Variants in RAD51B observed in about 807,000 individuals in gnomAD.
RAD51B encodes the protein RAD51 paralog B, also known as DNA repair protein RAD51 homolog 2.
RAD51B carries 38 observed loss-of-function variants against 42.2 expected under a neutral mutation model. The ratio of observed to expected loss-of-function variants is 0.90; its 90% CI spans 0.70 to 1.18. The LOEUF (loss-of-function observed/expected upper bound fraction) is 1.18. RAD51B is among the 50% of genes most tolerant of loss of function. RAD51B has a pLI of 0.00. For missense variants in RAD51B, 373 were observed against 400.7 expected, an observed-to-expected ratio of 0.93 and a Z score of 0.59; for synonymous variants, 154 against 145.2, an observed-to-expected ratio of 1.06 and a Z score of -0.43.
chr14:67,847,886 GCC>G (rs111532396), intron 4 of RAD51B, among the ~76,000 whole-genome samples: 1 of 151,496 alleles, frequency 6.6e-6, no homozygotes, highest in East Asian at 1.9e-4. Context: ...GGGTGTTGAA[GCC>G]CCCCCCCATT....
At chr14:68,095,995 AAGAAAC>A (rs2077187986) in intron 7 of RAD51B, among the ~76,000 whole-genome samples, 4 of 150,028 alleles carry the variant, frequency 2.7e-5, no homozygotes, top group African/African-American at 9.9e-5. Context: ...AAAAAAAAAA[AAGAAAC>A]AGACTCAGAA....
chr14:68,048,255 G>C (rs892648864), intron 7 of RAD51B, among the ~76,000 whole-genome samples: 3 of 152,140 alleles, frequency 2.0e-5, no homozygotes, highest in Non-Finnish European at 4.4e-5. Flanking sequence ...AGAAATGTCT[G>C]TTCATATCCT....
At chr14:68,370,042 G>A (rs1272051160) in intron 8 of RAD51B, among the ~76,000 whole-genome samples, 1 of 152,188 alleles carries the variant, frequency 6.6e-6, no homozygotes, top group African/African-American at 2.4e-5. Flanking sequence ...GGAGGATAAT[G>A]ACTGAACCTA....
chr14:68,673,657 T>TACACATACTGTGCACAC (rs1373316823), intron 11 of RAD51B, among the ~76,000 whole-genome samples: 1 of 149,370 alleles, frequency 6.7e-6, no homozygotes, highest in Non-Finnish European at 1.5e-5. Context: ...TGCACACACA[T>TACACATACTGTGCACAC]ACACATACTG....
chr14:68,275,794 C>CACACA (rs2081209793), intron 7 of RAD51B, among the ~76,000 whole-genome samples: 1 of 141,268 alleles, frequency 7.1e-6, no homozygotes, highest in African/African-American at 2.7e-5. Flanking sequence ...AACTAGCTCT[C>CACACA]CACACACACA....
intron 8 of RAD51B, among the ~76,000 whole-genome samples, chr14:68,315,271 G>T (rs972072764): frequency 2.6e-5 from 4 of 152,146 alleles, no homozygotes; most frequent in Admixed American, 2.0e-4. Context: ...TCTGTAGCGG[G>T]TTATTAATCT....
intron 7 of RAD51B, among the ~76,000 whole-genome samples, chr14:67,921,763 C>G (rs2044334949): frequency 6.6e-6 from 1 of 152,162 alleles, no homozygotes; most frequent in Non-Finnish European, 1.5e-5. Flanking sequence ...GTGCCACTCT[C>G]TCTGTGGAAT....
chr14:67,886,923 A>G, intron 6 of RAD51B, 98 bp from the exon 7 acceptor site: 1 of 735,202 alleles, frequency 1.4e-6, no homozygotes, highest in Non-Finnish European at 2.1e-6. Context: ...TTAGGAAAGA[A>G]TAGTTTATTG....
At chr14:67,886,607 T>C (rs1288312063) in intron 6 of RAD51B, 1 of 229,438 alleles carries the variant, frequency 4.4e-6, no homozygotes, top group Admixed American at 5.6e-5. Flanking sequence ...TGTAGTCTTT[T>C]ATAACCCACA....
intron 7 of RAD51B, among the ~76,000 whole-genome samples, chr14:68,066,733 G>C (rs534381017): frequency 6.6e-6 from 1 of 152,096 alleles, no homozygotes; most frequent in East Asian, 1.9e-4. Flanking sequence ...TCTAGCCTGG[G>C]CAATGCAATG....
intron 7 of RAD51B, among the ~76,000 whole-genome samples, chr14:68,012,953 C>T (rs1175310965): frequency 2.0e-5 from 3 of 152,066 alleles, no homozygotes; most frequent in African/African-American, 7.2e-5. Context: ...TTATTGTTCC[C>T]ATTCCTGTGG....
intron 7 of RAD51B, among the ~76,000 whole-genome samples, chr14:68,053,246 A>C (rs1401862758): frequency 6.6e-6 from 1 of 152,154 alleles, no homozygotes; most frequent in South Asian, 2.1e-4. Context: ...CTATTTTTCC[A>C]TAAGCGGTTC....
chr14:68,193,100 C>T (rs1238104694), intron 7 of RAD51B, among the ~76,000 whole-genome samples: 1 of 152,150 alleles, frequency 6.6e-6, no homozygotes, highest in East Asian at 1.9e-4. Context: ...TCCCGCGTGA[C>T]CCCTCCAGCC....
intron 7 of RAD51B, among the ~76,000 whole-genome samples, chr14:68,183,161 A>C (rs1302798985): frequency 6.6e-6 from 1 of 152,178 alleles, no homozygotes; most frequent in Admixed American, 6.5e-5. Context: ...GAGGTCCCAC[A>C]ATAGGCTCTC....
chr14:68,621,896 G>A (rs1477866177), intron 10 of RAD51B, among the ~76,000 whole-genome samples: 1 of 152,210 alleles, frequency 6.6e-6, no homozygotes, highest in Non-Finnish European at 1.5e-5. Context: ...TGGGGTGCAG[G>A]AGGCAGGCCA....
rs34764928 is a variant in RAD51B, at chr14:68,505,546, C to CTTT, written c.1036+37316_1036+37318dup. Reference sequence around the variant, plus strand: ...CAAATGAACTTGTAGATTAGCCAATCTTTTTTTTTTTTTTTTTTTTTTGAG... The same window carrying CTTT: ...CAAATGAACTTGTAGATTAGCCAATCTTTTTTTTTTTTTTTTTTTTTTTTTGAG... On this transcript the variant is annotated intron_variant, in intron 10 of 10. Coordinates refer to the RAD51B transcript ENST00000487270. Among the ~76,000 whole-genome samples, 145 of 112,058 alleles carry CTTT rather than the reference C, an allele frequency of 1.3e-3. 1 individual carries two copies. The highest frequency in any genetic ancestry group is 2.7e-3 in the African/African-American group (76 of 28,222). 73.5% of individuals were successfully genotyped at this position (112,058 alleles called of 152,430 possible).
At chr14:68,246,956 A>G (rs1009815730) in intron 7 of RAD51B, among the ~76,000 whole-genome samples, 1 of 152,200 alleles carries the variant, frequency 6.6e-6, no homozygotes, top group African/African-American at 2.4e-5. Flanking sequence ...TACAGTGGCC[A>G]TCTCACTTAA....
At chr14:68,604,892 A>G (rs12885686) in intron 10 of RAD51B, among the ~76,000 whole-genome samples, 1 of 152,098 alleles carries the variant, frequency 6.6e-6, no homozygotes, top group Non-Finnish European at 1.5e-5. Flanking sequence ...GGAGAGTGAC[A>G]CTTTGGACAG....
intron 7 of RAD51B, among the ~76,000 whole-genome samples, chr14:68,260,454 T>C (rs963210975): frequency 6.6e-6 from 1 of 152,118 alleles, no homozygotes; most frequent in African/African-American, 2.4e-5. Flanking sequence ...TTTTACATGA[T>C]GCAGGAGCCT....
Sources: allele counts gnomAD v4.1 joint callset (sites outside exome capture counted in the v4.1 genomes callset), GRCh38; gene constraint gnomAD v4.1.1; transcripts MANE v1.5; gene names NCBI Gene and HGNC (gene_info 2026-07-23, HGNC 2026-07-21).